Variants in TRIM16 observed in about 807,000 individuals in gnomAD.
TRIM16 encodes the protein tripartite motif-containing protein 16.
Under a neutral mutation model 50.4 loss-of-function variants are expected in TRIM16, and 33 were observed. That is an observed-to-expected ratio of 0.65 (90% CI 0.50 to 0.88). The LOEUF is 0.88. Among genes scored for constraint, TRIM16 ranks in the 40% least tolerant of loss-of-function variants. The pLI is 0.00. For synonymous variants in TRIM16, 229 were observed against 270.7 expected (o/e 0.85, Z 1.51); for missense variants, 581 against 686.8 (o/e 0.85, Z 1.72).
At chr17:15,682,196 T>C (rs1006288579) in intron 3 of TRIM16, among the ~76,000 whole-genome samples, 2 of 152,242 alleles carry the variant, frequency 1.3e-5, no homozygotes, top group African/African-American at 4.8e-5. Flanking sequence ...ATTTTCTGCA[T>C]ATCAACATTA....
At chr17:15,663,495 T>G (rs905770963) in intron 6 of TRIM16, among the ~76,000 whole-genome samples, 3 of 152,094 alleles carry the variant, frequency 2.0e-5, no homozygotes, top group African/African-American at 7.2e-5. Context: ...CTGGCAACCA[T>G]GAGAACCAAC....
intron 9 of TRIM16, among the ~76,000 whole-genome samples, chr17:15,635,374 A>G (rs928933568): frequency 1.3e-5 from 2 of 148,732 alleles, no homozygotes; most frequent in African/African-American, 5.0e-5. Flanking sequence ...TCTCGTTCCA[A>G]TGGCTTACGG....
rs1597633342 is a variant in TRIM16 at position 15,651,423 on chromosome 17, CAG to C, written c.185_186del (p.Ser62CysfsTer9). ...GRETEEQDSD[S>X]AEQGDPAGEG... is the part of the protein sequence containing the mutation. ...TCACCAGCAGGATCCCCCTGCTCTG[CAG>C]AGTCGCTGTCCTGTTCCTCCGTCTC... On this transcript the variant is annotated frameshift_variant, in exon 7 of 12. Coordinates refer to ENST00000649191, the MANE Select transcript of TRIM16 (RefSeq NM_001348119.1). LOFTEE classifies it high-confidence loss of function. The C allele has an allele frequency of 1.9e-6, 3 of 1,613,874 alleles. No individual in the cohort carries two copies. The highest frequency in any genetic ancestry group is 1.3e-5 in the African/African-American group (1 of 74,948).
rs1453086050 is a variant in TRIM16, at chr17:15,642,897, C to T, written c.520-81G>A. Reference sequence around the variant, plus strand: ...CACGGGCACTCTCCAGCCCTGACATCCCCGCCCTTCTTCCCTGGAAAGAAG... The same window carrying T: ...CACGGGCACTCTCCAGCCCTGACATTCCCGCCCTTCTTCCCTGGAAAGAAG... On this transcript the variant is annotated intron_variant, in intron 7 of 11. Coordinates refer to ENST00000649191, the MANE Select transcript of TRIM16 (RefSeq NM_001348119.1). The T allele has an allele frequency of 8.3e-5, 35 of 422,634 alleles. 1 individual carries two copies. In the Middle Eastern group the frequency reaches 2.2e-3, roughly 27 times the overall value. 26.2% of individuals were successfully genotyped at this position (422,634 alleles called of 1,614,324 possible). A position where few individuals can be genotyped will look rare whatever the true frequency, so the allele number is the denominator to read the frequency against.
chr17:15,648,233 A>C (rs1481318138), intron 7 of TRIM16, among the ~76,000 whole-genome samples: 1 of 149,652 alleles, frequency 6.7e-6, no homozygotes, highest in Non-Finnish European at 1.5e-5. Flanking sequence ...CTCAAAAAAA[A>C]AAAAAAACAA....
chr17:15,628,726 T>C lies in TRIM16; in HGVS notation c.1584A>G (p.Glu528=), dbSNP rs141606422. The change falls in exon 12 of 12, where the codon GAA becomes GAG. Residue 528 remains glutamate, a synonymous_variant. Coordinates refer to ENST00000649191, the MANE Select transcript of TRIM16 (RefSeq NM_001348119.1). The part of the protein sequence containing the change: ...LVHKFACKFS[E]PVYAAFWLSK... ...AAAGCCAGAAGGCAGCATAGACTGG[T>C]TCTGAAAATTTGCAGGCAAACTTGT... 36 of 1,613,994 alleles carry C rather than the reference T, an allele frequency of 2.2e-5. No homozygotes were observed. In the African/African-American group the frequency reaches 4.4e-4, roughly 20 times the overall value.
intron 4 of TRIM16, 58 bp from the exon 5 acceptor site, chr17:15,677,779 T>C: frequency 1.0e-6 from 1 of 981,996 alleles, no homozygotes. Context: ...GGAGAGGAAA[T>C]AGATTAAACT....
At chr17:15,643,666 A>G (rs1987218010) in intron 7 of TRIM16, among the ~76,000 whole-genome samples, 2 of 151,636 alleles carry the variant, frequency 1.3e-5, no homozygotes, top group African/African-American at 4.9e-5. Flanking sequence ...CAGGATGAAT[A>G]TCTTCAAATA....
chr17:15,650,620 CTT>C (rs1318711341), intron 7 of TRIM16, among the ~76,000 whole-genome samples: 10 of 152,262 alleles, frequency 6.6e-5, no homozygotes, highest in Admixed American at 3.9e-4. Context: ...CTACTGGTCT[CTT>C]GTTTGAGAAA....
At chr17:15,653,953 A>G (rs1218695086) in intron 6 of TRIM16, among the ~76,000 whole-genome samples, 1 of 152,176 alleles carries the variant, frequency 6.6e-6, no homozygotes, top group Non-Finnish European at 1.5e-5. Context: ...TTAATCAGAT[A>G]CATTTGAACT....
chr17:15,628,613 G>C lies in TRIM16; in HGVS notation c.*2C>G, dbSNP rs1986221926. ...AAAGGTCTGGGATATGGCTCCTGGA[G>C]TCTAGGGAGCAGTCCCCACCAAGGA... On this transcript the variant is annotated 3_prime_UTR_variant, in exon 12 of 12. Coordinates refer to ENST00000649191, the MANE Select transcript of TRIM16 (RefSeq NM_001348119.1). 6.3e-7 allele frequency: 1 copy of C among 1,597,176 alleles called. No individual in the cohort carries two copies. The highest frequency in any genetic ancestry group is 8.5e-7 in the Non-Finnish European group (1 of 1,169,954).
At chr17:15,655,266 G>A (rs1567680594) in intron 6 of TRIM16, among the ~76,000 whole-genome samples, 1 of 152,202 alleles carries the variant, frequency 6.6e-6, no homozygotes, top group African/African-American at 2.4e-5. Context: ...GGAAGAAAAG[G>A]TAGTTGCCCT....
chr17:15,677,554 G>T, intron 5 of TRIM16, 21 bp downstream of exon 5: 1 of 1,048,016 alleles, frequency 9.5e-7, no homozygotes, highest in Non-Finnish European at 1.2e-6. Flanking sequence ...GTCAATCTGG[G>T]GTGGAAGGAC....
intron 3 of TRIM16, chr17:15,681,199 G>A (rs1428007959): frequency 4.8e-5 from 16 of 331,158 alleles, no homozygotes; most frequent in Non-Finnish European, 7.9e-5. Context: ...CTCTGAAAAC[G>A]AGGTTCCCTG....
chr17:15,674,254 C>T (rs1988834727), intron 6 of TRIM16, among the ~76,000 whole-genome samples: 3 of 151,864 alleles, frequency 2.0e-5, no homozygotes, highest in Admixed American at 2.0e-4. Flanking sequence ...CCTGTAGTCC[C>T]AGCTACTTGG....
At chr17:15,636,630 C>CT (rs869137177) in intron 8 of TRIM16, among the ~76,000 whole-genome samples, 3,198 of 121,164 alleles carry the variant, frequency 0.026, 161 homozygotes, top group Middle Eastern at 0.053. Context: ...AAGAATTTGG[C>CT]TTTTTTTTTT....
At chr17:15,638,978 G>T (rs910688977) in intron 8 of TRIM16, among the ~76,000 whole-genome samples, 32 of 145,120 alleles carry the variant, frequency 2.2e-4, no homozygotes, top group African/African-American at 7.7e-4. Context: ...GGGAAAGAAA[G>T]CAAGGGGTAT....
chr17:15,667,043 G>C (rs1177599656), intron 6 of TRIM16, among the ~76,000 whole-genome samples: 1 of 152,146 alleles, frequency 6.6e-6, no homozygotes, highest in East Asian at 1.9e-4. Flanking sequence ...TAAAGTATTT[G>C]TAGAGTCTTG....
In TRIM16 at chr17:15,633,990, C is replaced by T. The variant is rs1240534831; in HGVS notation, c.850-1316G>A. Among the ~76,000 whole-genome samples the T allele has an allele frequency of 4.2e-4, 60 of 142,728 alleles. 2 individuals are homozygous for T. The highest frequency in any genetic ancestry group is 5.3e-4 in the Non-Finnish European group (35 of 65,870). The allele number at this position is 142,728 out of a possible 152,430, so 93.6% of individuals were successfully genotyped here. ...TGGGTGGATCACGAGGTCAGGAGTT[C>T]GAGACCAGCCTGGCCAAGATGGTGA... On this transcript the variant is annotated intron_variant, in intron 9 of 11. Coordinates refer to ENST00000649191, the MANE Select transcript of TRIM16 (RefSeq NM_001348119.1).
Sources: allele counts gnomAD v4.1 joint callset (sites outside exome capture counted in the v4.1 genomes callset), GRCh38; gene constraint gnomAD v4.1.1; transcripts MANE v1.5; gene names NCBI Gene and HGNC (gene_info 2026-07-23, HGNC 2026-07-21).